SLC24A2: variants seen among roughly 807,000 people sequenced by gnomAD.
SLC24A2 encodes the protein solute carrier family 24 member 2, also known as sodium/potassium/calcium exchanger 2.
A neutral mutation model predicts 62.0 loss-of-function variants in SLC24A2; 36 were observed. The observed-to-expected ratio is 0.58, with a 90% CI of 0.44 to 0.77. SLC24A2 has a LOEUF of 0.77. SLC24A2 is among the 30% of genes least tolerant of loss of function. SLC24A2 has a pLI of 0.00. For missense variants in SLC24A2, 846 were observed against 817.9 expected (o/e 1.03, Z -0.42); for synonymous variants, 358 against 294.0 (o/e 1.22, Z -2.23).
the SLC24A2 span, among the ~76,000 whole-genome samples, chr9:20,085,117 T>G: frequency 2.0e-5 from 3 of 152,264 alleles, no homozygotes; most frequent in South Asian, 4.1e-4. Context: ...CACCTCAGCC[T>G]CCAGAGTAGC....
the SLC24A2 span, among the ~76,000 whole-genome samples, chr9:19,804,284 C>T: frequency 6.6e-6 from 1 of 151,970 alleles, no homozygotes; most frequent in Non-Finnish European, 1.5e-5. Context: ...TTATTTAGGT[C>T]CTCTTTAATT....
intron 2 of SLC24A2, among the ~76,000 whole-genome samples, chr9:19,741,427 G>A (rs1261405283): frequency 6.6e-6 from 1 of 152,154 alleles, no homozygotes; most frequent in Non-Finnish European, 1.5e-5. Flanking sequence ...TTCACAGCAG[G>A]TGAATTCAAT....
chr9:19,605,960 C>T (rs1046442447), intron 4 of SLC24A2, among the ~76,000 whole-genome samples: 5 of 152,352 alleles, frequency 3.3e-5, no homozygotes, highest in African/African-American at 7.2e-5. Context: ...AACTCTGCTA[C>T]TTCTCCCAAG....
At chr9:20,282,589 C>A in the SLC24A2 span, among the ~76,000 whole-genome samples, 1 of 152,042 alleles carries the variant, frequency 6.6e-6, no homozygotes, top group Non-Finnish European at 1.5e-5. Context: ...CCCCGCACCC[C>A]CATCTTTAGA....
chr9:19,571,401 A>ATT (rs149140350), intron 7 of SLC24A2, among the ~76,000 whole-genome samples: 1 of 150,344 alleles, frequency 6.7e-6, no homozygotes, highest in South Asian at 2.1e-4. Flanking sequence ...AACAATTAGC[A>ATT]TTTTTTTTTT....
intron 2 of SLC24A2, among the ~76,000 whole-genome samples, chr9:19,622,731 T>C (rs146218364): frequency 0.019 from 2,936 of 152,320 alleles, 43 homozygotes; most frequent in Non-Finnish European, 0.031. Flanking sequence ...TTTTAGTGCA[T>C]ATAAAGAAAA....
chr9:19,699,173 T>A (rs969691999), intron 2 of SLC24A2, among the ~76,000 whole-genome samples: 2 of 152,116 alleles, frequency 1.3e-5, no homozygotes, highest in African/African-American at 4.8e-5. Flanking sequence ...TACTGCTGGG[T>A]CTCTGAGTAC....
chr9:19,882,776 G>T, the SLC24A2 span, among the ~76,000 whole-genome samples: 1 of 151,986 alleles, frequency 6.6e-6, no homozygotes, highest in Non-Finnish European at 1.5e-5. Context: ...TTAGCTCAAT[G>T]ATTCAAATAA....
At chr9:19,743,771 A>G (rs1020369000) in intron 2 of SLC24A2, among the ~76,000 whole-genome samples, 1 of 152,078 alleles carries the variant, frequency 6.6e-6, no homozygotes, top group African/African-American at 2.4e-5. Flanking sequence ...GCCTCTCCCA[A>G]TTCAAAAAGC....
the SLC24A2 span, among the ~76,000 whole-genome samples, chr9:20,080,569 A>G: frequency 6.6e-6 from 1 of 152,208 alleles, no homozygotes; most frequent in South Asian, 2.1e-4. Context: ...AGGCATGGGC[A>G]AGGACTTCTT....
intron 9 of SLC24A2, among the ~76,000 whole-genome samples, chr9:19,525,386 CTTTACTT>C (rs1435351793): frequency 0.016 from 756 of 47,178 alleles, 25 homozygotes; most frequent in East Asian, 0.054. Context: ...TTTCCTATTT[CTTTACTT>C]TTTTTTTTTT....
In SLC24A2 at chr9:19,547,049, A is replaced by G. The variant is rs539005882; in HGVS notation, c.1479+3088T>C. ...CTGTGGCGATCTCGCTGGGAGCTGC[A>G]TACTGGAGCTGTTCCTATTTGGCCA... On this transcript the variant is annotated intron_variant, in intron 8 of 10. Coordinates refer to ENST00000341998, the MANE Select transcript of SLC24A2 (RefSeq NM_020344.4). 3.9e-5 allele frequency among the ~76,000 whole-genome samples: 6 copies of G among 152,256 alleles called. No individual in the cohort carries two copies. In the South Asian group the frequency reaches 6.2e-4, roughly 16 times the overall value.
At chr9:19,670,804 T>C (rs544011813) in intron 2 of SLC24A2, among the ~76,000 whole-genome samples, 5 of 152,288 alleles carry the variant, frequency 3.3e-5, no homozygotes, top group Admixed American at 2.0e-4. Flanking sequence ...CTGCCTAGGT[T>C]ACCAGGTGGT....
chr9:20,026,462 T>C, the SLC24A2 span, among the ~76,000 whole-genome samples: 1 of 152,192 alleles, frequency 6.6e-6, no homozygotes, highest in African/African-American at 2.4e-5. Flanking sequence ...CTAGGACCAT[T>C]TGCAGATTCT....
chr9:20,058,539 C>T, the SLC24A2 span, among the ~76,000 whole-genome samples: 1 of 147,128 alleles, frequency 6.8e-6, no homozygotes, highest in Non-Finnish European at 1.5e-5. Context: ...GGGAAAGACT[C>T]AGATTTTTTC....
At chr9:19,527,428 G>C (rs1192532551) in intron 9 of SLC24A2, among the ~76,000 whole-genome samples, 1 of 152,154 alleles carries the variant, frequency 6.6e-6, no homozygotes, top group Non-Finnish European at 1.5e-5. Flanking sequence ...AAGACAAAGG[G>C]ATGTGAATTG....
At chr9:20,183,836 T>C in the SLC24A2 span, among the ~76,000 whole-genome samples, 2 of 152,266 alleles carry the variant, frequency 1.3e-5, no homozygotes, top group African/African-American at 2.4e-5. Flanking sequence ...CAGAAGAGTG[T>C]AGATCAATGG....
chr9:20,239,980 C>G, the SLC24A2 span, among the ~76,000 whole-genome samples: 1 of 151,922 alleles, frequency 6.6e-6, no homozygotes, highest in Admixed American at 6.6e-5. Flanking sequence ...AAGGGTTACC[C>G]TGTCTAGTGG....
intron 2 of SLC24A2, among the ~76,000 whole-genome samples, chr9:19,631,021 T>C (rs1481066034): frequency 1.3e-5 from 2 of 152,078 alleles, no homozygotes; most frequent in Admixed American, 1.3e-4. Flanking sequence ...GTGTGTCCCC[T>C]CCTCCCCACT....
Sources: gnomAD v4.1 joint callset for allele counts (sites outside exome capture counted in the v4.1 genomes callset) on GRCh38, gnomAD v4.1.1 for gene constraint, MANE v1.5 for transcripts, NCBI Gene and HGNC (gene_info 2026-07-23, HGNC 2026-07-21) for gene names.